Variants in RFTN2 observed in about 807,000 individuals in gnomAD.
RFTN2 encodes raftlin-2.
RFTN2 carries 34 observed loss-of-function variants against 52.7 expected under a neutral mutation model. The observed-to-expected ratio is 0.64, with a 90% CI of 0.49 to 0.86. The LOEUF (loss-of-function observed/expected upper bound fraction) is 0.86, where lower values mean the gene tolerates loss of function less well. Among genes scored for constraint, RFTN2 ranks in the 40% least tolerant of loss-of-function variants. The pLI, the probability that RFTN2 is intolerant of heterozygous loss-of-function variation, is 0.00. For missense variants in RFTN2, 536 were observed against 600.1 expected, an observed-to-expected ratio of 0.89 and a Z score of 1.12; for synonymous variants, 203 against 217.7, an observed-to-expected ratio of 0.93 and a Z score of 0.59.
intron 2 of RFTN2, among the ~76,000 whole-genome samples, chr2:197,644,804 G>T (rs2106250293): frequency 6.6e-6 from 1 of 152,296 alleles, no homozygotes; most frequent in South Asian, 2.1e-4. Context: ...TGTTTGCTTA[G>T]TAATGCTTAA....
intron 3 of RFTN2, among the ~76,000 whole-genome samples, chr2:197,640,135 T>C (rs979521230): frequency 1.3e-5 from 2 of 152,268 alleles, no homozygotes; most frequent in Non-Finnish European, 2.9e-5. Flanking sequence ...ACCACTGCTC[T>C]CTTCAAAGCT....
Position 197,615,984 on chromosome 2 carries a change from A to G in RFTN2, c.1051-5T>C. 2.6e-6 allele frequency: 4 copies of G among 1,519,298 alleles called. No homozygotes were observed. Among genetic ancestry groups the G allele is most frequent in the Non-Finnish European group, 3.6e-6 (4 of 1,116,954 alleles). 94.1% of individuals were successfully genotyped at this position (1,519,298 alleles called of 1,614,324 possible). A position where few individuals can be genotyped will look rare whatever the true frequency, so the allele number is the denominator to read the frequency against. ...ATCTGTTTTGATTTCACATCCCTGC[A>G]TGAATAAGTATAAGAGCTCATAGTC... On this transcript the variant is annotated splice_region_variant and splice_polypyrimidine_tract_variant and intron_variant, in intron 6 of 8. Transcript: ENST00000295049.
intron 8 of RFTN2, among the ~76,000 whole-genome samples, chr2:197,577,188 C>A (rs1387598420): frequency 6.6e-6 from 1 of 152,248 alleles, no homozygotes; most frequent in African/African-American, 2.4e-5. Context: ...TGTGCTCTGA[C>A]AACCTTGGGC....
Position 197,583,129 on chromosome 2 carries a change from A to G in RFTN2, c.1234-10849T>C, listed in dbSNP as rs546652791. On this transcript the variant is annotated intron_variant, in intron 8 of 8. Transcript: ENST00000295049. ...TCTTAGAACCTCTCATTTCCTTTCC[A>G]TCATGGAAATCTATCCTTAAGGAAA... Among the ~76,000 whole-genome samples the G allele has an allele frequency of 1.5e-3, 235 of 152,260 alleles. 3 individuals carry two copies. Among genetic ancestry groups the G allele is most frequent in the South Asian group, 8.3e-3 (40 of 4,828 alleles).
intron 7 of RFTN2, among the ~76,000 whole-genome samples, 180 bp from the exon 8 acceptor site, chr2:197,596,249 A>G (rs1435338779): frequency 6.6e-6 from 1 of 152,202 alleles, no homozygotes; most frequent in East Asian, 1.9e-4. Flanking sequence ...TTCTATAAAA[A>G]CCACATCTGG....
chr2:197,619,371 G>C (rs11884374), intron 5 of RFTN2, among the ~76,000 whole-genome samples: 66,620 of 151,932 alleles, frequency 0.44, 14,968 homozygotes, highest in Middle Eastern at 0.57. Flanking sequence ...GGTAGACATG[G>C]GAGACTTTTC....
rs995359479 is a variant in RFTN2, at chr2:197,611,042, A to G, written c.1154+4834T>C. On this transcript the variant is annotated intron_variant, in intron 7 of 8. Coordinates refer to ENST00000295049, the MANE Select transcript of RFTN2 (RefSeq NM_144629.3). ...GTATTTTATTGATGAGCTTCATATC[A>G]TTGTTCATCAGGGATATTGGCCTAA... Among the ~76,000 whole-genome samples, 106 of 152,134 alleles carry G rather than the reference A, an allele frequency of 7.0e-4. 1 individual carries two copies. The highest frequency in any genetic ancestry group is 2.2e-4 in the Non-Finnish European group (15 of 68,008).
chr2:197,667,733 G>A (rs1275296862), intron 1 of RFTN2, among the ~76,000 whole-genome samples: 1 of 152,198 alleles, frequency 6.6e-6, no homozygotes, highest in Non-Finnish European at 1.5e-5. Context: ...TTTCCATAGA[G>A]GCTTACAGTA....
chr2:197,674,371 A>G (rs2089188589), intron 1 of RFTN2, among the ~76,000 whole-genome samples: 1 of 147,030 alleles, frequency 6.8e-6, no homozygotes, highest in Non-Finnish European at 1.5e-5. Context: ...AAAGAAAAGA[A>G]TGTGTGTAAA....
At chr2:197,578,056 A>G (rs2087446968) in intron 8 of RFTN2, among the ~76,000 whole-genome samples, 1 of 152,110 alleles carries the variant, frequency 6.6e-6, no homozygotes, top group South Asian at 2.1e-4. Flanking sequence ...CAATGCTCTC[A>G]ACACTGACAG....
At chr2:197,652,375 A>G (rs574508197) in intron 1 of RFTN2, among the ~76,000 whole-genome samples, 1 of 152,328 alleles carries the variant, frequency 6.6e-6, no homozygotes, top group Admixed American at 6.5e-5. Flanking sequence ...ATGCAGCATT[A>G]CCAATACTCT....
intron 5 of RFTN2, 51 bp downstream of exon 5, chr2:197,630,960 G>T: frequency 8.1e-7 from 1 of 1,233,790 alleles, no homozygotes; most frequent in Non-Finnish European, 1.2e-6. Context: ...CACTGATTTT[G>T]ATACAAGTTC....
rs543656375 is a variant in RFTN2, at chr2:197,672,148, C to T, written c.139+3172G>A. Among the ~76,000 whole-genome samples, 136 of 152,188 alleles carry T rather than the reference C, an allele frequency of 8.9e-4. 1 individual carries two copies. The highest frequency in any genetic ancestry group is 1.6e-3 in the Non-Finnish European group (108 of 67,990). ...ATACAATAATCCAGAAAAATATAAA[C>T]ATTTTACCAAAACCTCATTAGTGCA... On this transcript the variant is annotated intron_variant, in intron 1 of 8. Transcript: ENST00000295049.
chr2:197,568,434 A>G lies in RFTN2; in HGVS notation c.*3574T>C, dbSNP rs577914788. 6.6e-6 allele frequency: 1 copy of G among 152,242 alleles called. No homozygotes were observed. Among genetic ancestry groups the G allele is most frequent in the Non-Finnish European group, 1.5e-5 (1 of 68,038 alleles). 9.4% of individuals were successfully genotyped at this position (152,242 alleles called of 1,614,324 possible). Reference sequence around the variant, plus strand: ...TCAAACACCATCTCAGAACTTAAATATCTGACAGACCTGGTTCTGCAAACT... The same window carrying G: ...TCAAACACCATCTCAGAACTTAAATGTCTGACAGACCTGGTTCTGCAAACT... On this transcript the variant is annotated 3_prime_UTR_variant, in exon 9 of 9. Transcript: ENST00000295049.
At chr2:197,657,354 G>A (rs2088908632) in intron 1 of RFTN2, among the ~76,000 whole-genome samples, 1 of 152,192 alleles carries the variant, frequency 6.6e-6, no homozygotes, top group Non-Finnish European at 1.5e-5. Context: ...GGATTCTGTA[G>A]ACCAGAGCTT....
At chr2:197,646,278 G>T (rs2088746828) in intron 2 of RFTN2, among the ~76,000 whole-genome samples, 1 of 152,124 alleles carries the variant, frequency 6.6e-6, no homozygotes, top group Non-Finnish European at 1.5e-5. Context: ...ACATTTGTCT[G>T]CAAGAAGCAA....
intron 7 of RFTN2, among the ~76,000 whole-genome samples, chr2:197,601,242 A>G (rs2087876432): frequency 6.6e-6 from 1 of 152,230 alleles, no homozygotes; most frequent in African/African-American, 2.4e-5. Context: ...AGAAAGCACA[A>G]AGAAGATTCT....
At chr2:197,651,585 C>A (rs1574743542) in intron 1 of RFTN2, among the ~76,000 whole-genome samples, 1 of 152,044 alleles carries the variant, frequency 6.6e-6, no homozygotes, top group African/African-American at 2.4e-5. Context: ...CACTGCATTC[C>A]AGCCTGGGTG....
chr2:197,640,708 G>T lies in RFTN2; in HGVS notation c.438+3450C>A, dbSNP rs1013363863. On this transcript the variant is annotated intron_variant, in intron 3 of 8. Coordinates refer to ENST00000295049, the MANE Select transcript of RFTN2 (RefSeq NM_144629.3). Reference sequence around the variant, plus strand: ...ATCACCCGTCTTCTGCGTCGCTCACGCCGGGAGCTGTAGACCGGAGCTGTT... The same window carrying T: ...ATCACCCGTCTTCTGCGTCGCTCACTCCGGGAGCTGTAGACCGGAGCTGTT... Among the ~76,000 whole-genome samples, 9 of 152,288 alleles carry T rather than the reference G, an allele frequency of 5.9e-5. No individual in the cohort carries two copies. In the East Asian group the frequency reaches 1.5e-3, roughly 26 times the overall value.
Sources: gnomAD v4.1 joint callset for allele counts (sites outside exome capture counted in the v4.1 genomes callset) on GRCh38, gnomAD v4.1.1 for gene constraint, MANE v1.5 for transcripts, NCBI Gene and HGNC (gene_info 2026-07-23, HGNC 2026-07-21) for gene names.